PTPRD: variants seen among roughly 807,000 people sequenced by gnomAD.
PTPRD encodes the protein protein tyrosine phosphatase receptor type D, also known as receptor-type tyrosine-protein phosphatase delta.
PTPRD carries 34 observed loss-of-function variants against 214.5 expected under a neutral mutation model. The ratio of observed to expected loss-of-function variants is 0.16; its 90% CI spans 0.12 to 0.21. The LOEUF (loss-of-function observed/expected upper bound fraction) is 0.21, where lower values mean the gene tolerates loss of function less well. Among genes scored for constraint, PTPRD ranks in the 10% least tolerant of loss-of-function variants. The pLI is 1.00. For missense variants in PTPRD, 2,545 were observed against 2,398.7 expected (o/e 1.06, Z -1.27); for synonymous variants, 1,128 against 845.7 (o/e 1.33, Z -5.79).
intron 3 of PTPRD, among the ~76,000 whole-genome samples, chr9:10,221,713 T>C (rs993953347): frequency 6.6e-6 from 1 of 152,010 alleles, no homozygotes; most frequent in African/African-American, 2.4e-5. Flanking sequence ...TTTTTACCAA[T>C]GTTGTTTCTC....
intron 9 of PTPRD, among the ~76,000 whole-genome samples, chr9:9,368,459 C>T (rs2139555701): frequency 6.6e-6 from 1 of 151,916 alleles, no homozygotes. Context: ...AACATATTTC[C>T]TTTAGGCTGA....
chr9:8,998,481 C>T (rs2099405506), intron 11 of PTPRD, among the ~76,000 whole-genome samples: 1 of 151,976 alleles, frequency 6.6e-6, no homozygotes, highest in Admixed American at 6.6e-5. Context: ...ATTGTTGAGA[C>T]CTACTGCTTA....
intron 14 of PTPRD, among the ~76,000 whole-genome samples, chr9:8,595,665 A>G (rs532107096): frequency 3.3e-5 from 5 of 152,352 alleles, no homozygotes; most frequent in South Asian, 2.1e-4. Context: ...CATGAAGTGC[A>G]TCGAAAAGTT....
At chr9:10,346,349 T>A (rs2097081398) in intron 2 of PTPRD, among the ~76,000 whole-genome samples, 2 of 152,124 alleles carry the variant, frequency 1.3e-5, no homozygotes, top group South Asian at 4.1e-4. Context: ...ATGTTTTAAA[T>A]GCCTTAATAA....
At chr9:8,690,021 T>A (rs752365297) in intron 12 of PTPRD, among the ~76,000 whole-genome samples, 18 of 149,866 alleles carry the variant, frequency 1.2e-4, no homozygotes, top group East Asian at 2.0e-4. Context: ...GGCAGGAGAA[T>A]TGCTTAAGCC....
At chr9:9,225,977 C>T (rs1454619667) in intron 9 of PTPRD, among the ~76,000 whole-genome samples, 1 of 151,922 alleles carries the variant, frequency 6.6e-6, no homozygotes, top group Non-Finnish European at 1.5e-5. Context: ...TTTTCAGGAG[C>T]CTGTTACTGA....
chr9:8,953,307 T>C (rs1390345417), intron 11 of PTPRD, among the ~76,000 whole-genome samples: 1 of 151,962 alleles, frequency 6.6e-6, no homozygotes, highest in Non-Finnish European at 1.5e-5. Flanking sequence ...GCTATCCATA[T>C]GCAGAAGAAT....
intron 8 of PTPRD, among the ~76,000 whole-genome samples, chr9:9,421,438 A>C (rs2078770550): frequency 6.6e-6 from 1 of 152,070 alleles, no homozygotes; most frequent in African/African-American, 2.4e-5. Context: ...ACCATAAAAT[A>C]TTTCTGAAAA....
intron 11 of PTPRD, among the ~76,000 whole-genome samples, chr9:9,017,116 G>A (rs392853): frequency 0.94 from 143,208 of 151,982 alleles, 67,828 homozygotes; most frequent in Middle Eastern, 1. Context: ...GATTATCATC[G>A]CAACAAAGAC....
At chr9:9,171,986 A>G (rs951637118) in intron 10 of PTPRD, among the ~76,000 whole-genome samples, 3 of 152,152 alleles carry the variant, frequency 2.0e-5, no homozygotes, top group Admixed American at 1.3e-4. Context: ...GGGCCAAAAC[A>G]AGAAGCATGT....
intron 2 of PTPRD, among the ~76,000 whole-genome samples, chr9:10,557,981 G>C (rs1325999460): frequency 6.6e-6 from 1 of 152,108 alleles, no homozygotes; most frequent in East Asian, 1.9e-4. Flanking sequence ...TGCTCTGTTG[G>C]AATCTTGTTG....
intron 11 of PTPRD, among the ~76,000 whole-genome samples, chr9:8,835,703 T>A (rs2097403931): frequency 6.6e-6 from 1 of 152,040 alleles, no homozygotes; most frequent in African/African-American, 2.4e-5. Context: ...TAATTTATTT[T>A]TACTTTTATT....
chr9:9,675,052 T>C (rs572015890), intron 7 of PTPRD, among the ~76,000 whole-genome samples: 4 of 152,008 alleles, frequency 2.6e-5, no homozygotes, highest in South Asian at 2.1e-4. Context: ...ATATTCAAAA[T>C]TTATAAAACC....
At chr9:9,176,753 C>T (rs2099925136) in intron 10 of PTPRD, among the ~76,000 whole-genome samples, 1 of 152,146 alleles carries the variant, frequency 6.6e-6, no homozygotes. Context: ...CCACCTTCTT[C>T]CCTTCTGCCA....
chr9:9,866,426 C>T (rs1437045126), intron 5 of PTPRD, among the ~76,000 whole-genome samples: 2 of 152,030 alleles, frequency 1.3e-5, no homozygotes, highest in Admixed American at 6.6e-5. Context: ...TGTTTTTATA[C>T]AGTATGACCA....
chr9:8,896,121 G>GC (rs1158946169), intron 11 of PTPRD, among the ~76,000 whole-genome samples: 4 of 152,180 alleles, frequency 2.6e-5, no homozygotes, highest in African/African-American at 9.7e-5. Flanking sequence ...ATACTACTGT[G>GC]AGCAGTAGTG....
At chr9:10,546,669 T>C (rs1178464919) in intron 2 of PTPRD, among the ~76,000 whole-genome samples, 1 of 152,048 alleles carries the variant, frequency 6.6e-6, no homozygotes, top group Non-Finnish European at 1.5e-5. Flanking sequence ...TTATTGAATG[T>C]TGCATCCTTA....
intron 39 of PTPRD, among the ~76,000 whole-genome samples, chr9:8,358,980 C>T (rs1443202589): frequency 6.7e-6 from 1 of 149,456 alleles, no homozygotes; most frequent in Non-Finnish European, 1.5e-5. Flanking sequence ...TGGTGGCGGG[C>T]GCCTGTAGTC....
chr9:9,914,089 T>G (rs2153833870), intron 5 of PTPRD, among the ~76,000 whole-genome samples: 1 of 152,278 alleles, frequency 6.6e-6, no homozygotes, highest in South Asian at 2.1e-4. Flanking sequence ...AATCTTACAG[T>G]CCTGCCTTGG....
Sources: gnomAD v4.1 joint callset for allele counts (sites outside exome capture counted in the v4.1 genomes callset) on GRCh38, gnomAD v4.1.1 for gene constraint, MANE v1.5 for transcripts, NCBI Gene and HGNC (gene_info 2026-07-23, HGNC 2026-07-21) for gene names.